Variants in ATP9A observed in about 807,000 individuals in gnomAD.
ATP9A encodes ATPase phospholipid transporting 9A.
Under a neutral mutation model 144.1 loss-of-function variants are expected in ATP9A, and 52 were observed. The ratio of observed to expected loss-of-function variants is 0.36; its 90% confidence interval spans 0.29 to 0.45. ATP9A has a LOEUF of 0.45. Ranked by LOEUF, ATP9A falls within the 20% of genes least tolerant of loss-of-function variation. The pLI is 1.00. For missense variants in ATP9A, 947 were observed against 1,392.7 expected (o/e 0.68, Z 5.09); for synonymous variants, 582 against 557.4 (o/e 1.04, Z -0.62).
chr20:51,738,422 G>A (rs372533920), intron 1 of ATP9A, among the ~76,000 whole-genome samples: 3 of 151,892 alleles, frequency 2.0e-5, no homozygotes, highest in East Asian at 3.9e-4. Context: ...TATGCCTCTC[G>A]GCCAGGCGCA....
At chr20:51,660,714 G>C (rs2077407157) in intron 13 of ATP9A, among the ~76,000 whole-genome samples, 1 of 152,232 alleles carries the variant, frequency 6.6e-6, no homozygotes. Flanking sequence ...AAACTGACCA[G>C]GGGCTGTGTT....
Position 51,690,729 on chromosome 20 carries a change from G to A in ATP9A, c.723+10C>T, listed in dbSNP as rs2077544757. The A allele has an allele frequency of 1.2e-6, 2 of 1,608,714 alleles. No individual in the cohort carries two copies. Among genetic ancestry groups the A allele is most frequent in the Admixed American group, 1.7e-5 (1 of 59,966 alleles). The stretch of plus-strand genomic sequence containing the variant: ...GGTGACAGGATCCCATGTGAAGGAA[G>A]CTCACTTACTCGGGTAAAAGTTCCC... On this transcript the variant is annotated intron_variant, in intron 8 of 27. Transcript: ENST00000338821.
rs1221286356 is a variant in ATP9A, at chr20:51,598,399, C to G, written c.*2812G>C. ...TGTTCAAACAGTGCTGACTGTGTACCTCAAGGCCCTCTGACCTCAAATTAA... is the reference window on the plus strand; with the variant it reads ...TGTTCAAACAGTGCTGACTGTGTACGTCAAGGCCCTCTGACCTCAAATTAA... On this transcript the variant is annotated 3_prime_UTR_variant, in exon 28 of 28. Coordinates refer to ENST00000338821, the MANE Select transcript of ATP9A (RefSeq NM_006045.3). 6.6e-6 allele frequency: 1 copy of G among 152,066 alleles called. No homozygotes were observed. Among genetic ancestry groups the G allele is most frequent in the African/African-American group, 2.4e-5 (1 of 41,420 alleles). The allele number at this position is 152,066 out of a possible 1,614,324, so 9.4% of individuals were successfully genotyped here. A position where few individuals can be genotyped will look rare whatever the true frequency, so the allele number is the denominator to read the frequency against.
chr20:51,696,095 T>C lies in ATP9A; in HGVS notation c.545A>G (p.Asn182Ser), dbSNP rs2077569520. The change falls in exon 6 of 28, where the codon AAC becomes AGC. Residue 182 changes from asparagine to serine, a missense_variant and splice_region_variant. Physicochemically the swap from Asn to Ser is conservative, Grantham distance 46 (BLOSUM62 1). Coordinates refer to ENST00000338821, the MANE Select transcript of ATP9A (RefSeq NM_006045.3). The part of the protein sequence containing the change: ...DMIFLRTSEK[N>S]GSCFLRTDQL... The stretch of plus-strand genomic sequence containing the variant: ...CCAAATTGATCTCAGATGTTTACCG[T>C]TTTTTTCTGATGTCCTCAGGAAGAT... 6.2e-7 allele frequency: 1 copy of C among 1,612,884 alleles called. No homozygotes were observed. The highest frequency in any genetic ancestry group is 8.5e-7 in the Non-Finnish European group (1 of 1,178,942).
In ATP9A at chr20:51,724,219, A is replaced by G. The variant is rs2077702664; in HGVS notation, c.327+1600T>C. 2.0e-5 allele frequency among the ~76,000 whole-genome samples: 3 copies of G among 152,202 alleles called. No individual in the cohort carries two copies. The South Asian group carries it at 6.2e-4, about 31-fold the overall frequency. ...AAACGTTAATGAGATTTATGAACAG[A>G]GAATCCAAGCGTTCCCCCCCTGGGT... On this transcript the variant is annotated intron_variant, in intron 3 of 27. Coordinates refer to ENST00000338821, the MANE Select transcript of ATP9A (RefSeq NM_006045.3).
chr20:51,766,634 G>A (rs2122928980), intron 1 of ATP9A, among the ~76,000 whole-genome samples: 1 of 152,192 alleles, frequency 6.6e-6, no homozygotes, highest in Non-Finnish European at 1.5e-5. Context: ...GAGGTCAGGA[G>A]TTCAAGACAA....
chr20:51,635,845 A>AGGG (rs2077289737), intron 15 of ATP9A, among the ~76,000 whole-genome samples: 1 of 11,982 alleles, frequency 8.3e-5, no homozygotes, highest in African/African-American at 2.0e-4. Context: ...AGGGAGGGAA[A>AGGG]AAGGAAGGAA....
Position 51,671,182 on chromosome 20 carries a change from G to A in ATP9A, c.1113C>T (p.Thr371=), listed in dbSNP as rs115325805. 348 of 1,614,042 alleles carry A rather than the reference G, an allele frequency of 2.2e-4. 1 individual carries two copies. In the African/African-American group the frequency reaches 4.2e-3, roughly 19 times the overall value. ...CAGGAATCGTGCTGGAGCGAACCAC[G>A]GTCCCGGGGATTTTCGAGTCCCTTC... ...VIRRDSKIPG[T]VVRSSTIPEQ... Residue 371 remains threonine (T), a synonymous_variant, in exon 12 of 28, where the codon ACC becomes ACT. Coordinates refer to ENST00000338821, the MANE Select transcript of ATP9A (RefSeq NM_006045.3).
At chr20:51,664,231 T>C (rs1181412225) in intron 13 of ATP9A, among the ~76,000 whole-genome samples, 3 of 152,062 alleles carry the variant, frequency 2.0e-5, no homozygotes, top group East Asian at 1.9e-4. Context: ...TTTGTATAAA[T>C]ATTGTATTGT....
At chr20:51,753,749 C>T (rs2077843641) in intron 1 of ATP9A, among the ~76,000 whole-genome samples, 1 of 150,780 alleles carries the variant, frequency 6.6e-6, no homozygotes, top group South Asian at 2.1e-4. Flanking sequence ...TCACTGCAAC[C>T]TCCGCCTCCC....
At chr20:51,732,214 T>TA (rs1389890859) in intron 1 of ATP9A, among the ~76,000 whole-genome samples, 3 of 152,010 alleles carry the variant, frequency 2.0e-5, no homozygotes, top group African/African-American at 7.3e-5. Flanking sequence ...AGAGCTTTAT[T>TA]AAACAAGGCA....
At chr20:51,761,210 C>T (rs1366342445) in intron 1 of ATP9A, among the ~76,000 whole-genome samples, 2 of 152,190 alleles carry the variant, frequency 1.3e-5, no homozygotes, top group African/African-American at 4.8e-5. Context: ...AGCCAAAACA[C>T]TGCAGGTCCT....
chr20:51,686,836 G>C (rs2077525147), intron 9 of ATP9A, among the ~76,000 whole-genome samples: 1 of 151,984 alleles, frequency 6.6e-6, no homozygotes, highest in South Asian at 2.1e-4. Context: ...TGGAGAGGCT[G>C]AGGCAGGAGA....
chr20:51,727,833 A>C (rs1258022109), intron 2 of ATP9A, among the ~76,000 whole-genome samples: 1 of 151,780 alleles, frequency 6.6e-6, no homozygotes, highest in African/African-American at 2.4e-5. Context: ...CAGGAGGCTG[A>C]GGCAGGAGAA....
At chr20:51,620,667 A>C (rs763630983) in intron 19 of ATP9A, among the ~76,000 whole-genome samples, 15 of 152,222 alleles carry the variant, frequency 9.9e-5, no homozygotes, top group East Asian at 5.8e-4. Flanking sequence ...ACAAGCCAGC[A>C]AAGAAGCGCT....
chr20:51,724,510 T>TA (rs1477143157), intron 3 of ATP9A, among the ~76,000 whole-genome samples: 1 of 152,188 alleles, frequency 6.6e-6, no homozygotes, highest in African/African-American at 2.4e-5. Flanking sequence ...TTCATTCATG[T>TA]AAAAAATACT....
At chr20:51,682,752 C>T (rs866069350) in intron 9 of ATP9A, among the ~76,000 whole-genome samples, 2 of 149,516 alleles carry the variant, frequency 1.3e-5, no homozygotes. Flanking sequence ...CCACCACACC[C>T]GGCTAATTTT....
chr20:51,642,701 G>T (rs1469989925), intron 14 of ATP9A, among the ~76,000 whole-genome samples: 2 of 116,410 alleles, frequency 1.7e-5, no homozygotes, highest in African/African-American at 3.3e-5. Flanking sequence ...ACTCTAGCCT[G>T]GGTGACTGAG....
At chr20:51,686,327 C>T (rs2077522713) in intron 9 of ATP9A, among the ~76,000 whole-genome samples, 1 of 149,896 alleles carries the variant, frequency 6.7e-6, no homozygotes, top group African/African-American at 2.5e-5. Flanking sequence ...AACAAACCTG[C>T]ACGTTGTGCA....
Sources: gnomAD v4.1 joint callset for allele counts (sites outside exome capture counted in the v4.1 genomes callset) on GRCh38, gnomAD v4.1.1 for gene constraint, MANE v1.5 for transcripts, NCBI Gene and HGNC (gene_info 2026-07-23, HGNC 2026-07-21) for gene names.